The following MCC variants were observed in gnomAD, a reference collection of about 807,000 sequenced individuals.
MCC encodes colorectal mutant cancer protein.
A neutral mutation model predicts 116.2 loss-of-function variants in MCC; 90 were observed. The observed-to-expected ratio is 0.77, with a 90% confidence interval of 0.65 to 0.92. The LOEUF is 0.92. MCC is among the 40% of genes least tolerant of loss of function. The pLI, the probability that MCC is intolerant of heterozygous loss-of-function variation, is 0.00. For missense variants in MCC, 1,516 were observed against 1,312.2 expected, an observed-to-expected ratio of 1.16 and a Z score of -2.40; for synonymous variants, 578 against 510.5, an observed-to-expected ratio of 1.13 and a Z score of -1.78.
chr5:113,404,163 G>A (rs1769766201), intron 1 of MCC, among the ~76,000 whole-genome samples: 3 of 152,172 alleles, frequency 2.0e-5, no homozygotes, highest in African/African-American at 7.2e-5. Context: ...CACCACACCC[G>A]GCCCAGTTTG....
At position 113,071,139 on chromosome 5, in the gene MCC, T is replaced by C; in HGVS notation, c.1880A>G (p.Lys627Arg). The change falls in exon 12 of 19, where the codon AAA (lysine) becomes AGA (arginine). Residue 627 changes from lysine (K) to arginine (R), a missense_variant. By Grantham distance (26) the Lys-to-Arg change is conservative. Transcript: ENST00000408903. Reference sequence around the variant, plus strand: ...CAGCGCTGTGGCATTGGATTCGTATTTTCCCACCAGCATGCTCATCCTCTC... The same window carrying C: ...CAGCGCTGTGGCATTGGATTCGTATCTTCCCACCAGCATGCTCATCCTCTC... Reference protein sequence around the residue: ...NAERMSMLVGKYESNATALRL... With the variant: ...NAERMSMLVGRYESNATALRL... 1 of 1,614,164 alleles carries C rather than the reference T, an allele frequency of 6.2e-7. No individual in the cohort carries two copies. Among genetic ancestry groups the C allele is most frequent in the Non-Finnish European group, 8.5e-7 (1 of 1,180,026 alleles).
intron 8 of MCC, among the ~76,000 whole-genome samples, chr5:113,087,243 A>G (rs930157673): frequency 6.6e-6 from 1 of 152,218 alleles, no homozygotes; most frequent in African/African-American, 2.4e-5. Context: ...ATTAGAAGCT[A>G]AAATAGGAAA....
chr5:113,266,433 C>T (rs530548825), intron 3 of MCC, among the ~76,000 whole-genome samples: 1 of 152,332 alleles, frequency 6.6e-6, no homozygotes, highest in South Asian at 2.1e-4. Flanking sequence ...CAGAGTCAGT[C>T]CTTGGGAGTT....
chr5:113,374,703 C>T (rs1768938769), intron 2 of MCC, among the ~76,000 whole-genome samples: 2 of 152,024 alleles, frequency 1.3e-5, no homozygotes, highest in Admixed American at 1.3e-4. Context: ...AGAAGATGCA[C>T]CATGTTTGCT....
At chr5:113,226,671 T>C (rs1224961438) in intron 3 of MCC, among the ~76,000 whole-genome samples, 1 of 152,252 alleles carries the variant, frequency 6.6e-6, no homozygotes, top group African/African-American at 2.4e-5. Flanking sequence ...ATTAAGCTAA[T>C]TGAACACTTT....
chr5:113,178,894 C>G (rs1267105714), intron 3 of MCC, among the ~76,000 whole-genome samples: 1 of 144,218 alleles, frequency 6.9e-6, no homozygotes, highest in East Asian at 2.1e-4. Context: ...CCATTTCTAT[C>G]TCTCTCATTT....
At chr5:113,227,626 G>A (rs1763793291) in intron 3 of MCC, among the ~76,000 whole-genome samples, 1 of 152,090 alleles carries the variant, frequency 6.6e-6, no homozygotes, top group African/African-American at 2.4e-5. Flanking sequence ...AAAATCATAT[G>A]TTTCTATAGA....
chr5:113,158,455 C>T (rs1760297486), intron 3 of MCC, among the ~76,000 whole-genome samples: 1 of 152,224 alleles, frequency 6.6e-6, no homozygotes, highest in African/African-American at 2.4e-5. Flanking sequence ...CCATCAGCTG[C>T]AGAGGAAAGG....
chr5:113,075,659 T>C (rs938455737), intron 11 of MCC, among the ~76,000 whole-genome samples: 3 of 152,110 alleles, frequency 2.0e-5, no homozygotes, highest in Admixed American at 6.5e-5. Flanking sequence ...ATCAGCTCTC[T>C]GTAAAATGGA....
chr5:113,051,257 C>T (rs1009433627), intron 15 of MCC, among the ~76,000 whole-genome samples: 1 of 152,058 alleles, frequency 6.6e-6, no homozygotes, highest in African/African-American at 2.4e-5. Context: ...CTCCCCCTAC[C>T]CCCACCACCG....
intron 1 of MCC, among the ~76,000 whole-genome samples, chr5:113,432,221 G>C (rs1770674556): frequency 6.6e-6 from 1 of 151,260 alleles, no homozygotes; most frequent in Non-Finnish European, 1.5e-5. Flanking sequence ...AGGAGGCTAA[G>C]GCAGGAGAAT....
intron 5 of MCC, among the ~76,000 whole-genome samples, chr5:113,140,384 T>C (rs572128874): frequency 1.3e-5 from 2 of 152,334 alleles, no homozygotes; most frequent in Admixed American, 1.3e-4. Flanking sequence ...TTTATTTGAA[T>C]CTACCCAAAT....
At chr5:113,075,115 G>C (rs1394065377) in intron 11 of MCC, among the ~76,000 whole-genome samples, 2 of 152,234 alleles carry the variant, frequency 1.3e-5, no homozygotes, top group Non-Finnish European at 2.9e-5. Flanking sequence ...GGGCTCACCA[G>C]GCCCCGCACT....
At position 113,086,631 on chromosome 5, in the gene MCC, G is replaced by T. The variant is rs79310330; in HGVS notation, c.1399-1321C>A. On this transcript the variant is annotated intron_variant, in intron 8 of 18. Transcript: ENST00000408903. ...TACAACTCTGTGACTTCCAAAGAGAGAAGTATTCCAAGTAGCTGAAGAGAG... is the reference window on the plus strand; with the variant it reads ...TACAACTCTGTGACTTCCAAAGAGATAAGTATTCCAAGTAGCTGAAGAGAG... Among the ~76,000 whole-genome samples, 963 of 152,338 alleles carry T rather than the reference G, an allele frequency of 6.3e-3. 7 individuals carry two copies. The highest frequency in any genetic ancestry group is 0.022 in the African/African-American group (920 of 41,570).
At chr5:113,174,955 T>C (rs892407015) in intron 3 of MCC, among the ~76,000 whole-genome samples, 11 of 152,016 alleles carry the variant, frequency 7.2e-5, no homozygotes, top group Non-Finnish European at 1.6e-4. Context: ...TATGAGAAAA[T>C]GTTCACCACA....
chr5:113,138,533 G>C (rs1261701266), intron 5 of MCC, among the ~76,000 whole-genome samples: 1 of 152,160 alleles, frequency 6.6e-6, no homozygotes, highest in Non-Finnish European at 1.5e-5. Context: ...GCCAGGAACA[G>C]AGCCTCAATG....
chr5:113,032,505 TCTA>T (rs1413860050), intron 17 of MCC, among the ~76,000 whole-genome samples: 13 of 152,100 alleles, frequency 8.5e-5, no homozygotes, highest in South Asian at 2.1e-4. Flanking sequence ...CATGTGTGTC[TCTA>T]CTTTTTTCAT....
chr5:113,364,214 G>C (rs1343634310), intron 2 of MCC, among the ~76,000 whole-genome samples: 1 of 114,436 alleles, frequency 8.7e-6, no homozygotes, highest in African/African-American at 3.4e-5. Flanking sequence ...CTGGGTGACA[G>C]AGTGAGACTC....
intron 1 of MCC, among the ~76,000 whole-genome samples, chr5:113,449,494 C>T (rs368828306): frequency 2.7e-3 from 410 of 152,328 alleles, no homozygotes; most frequent in Non-Finnish European, 2.8e-3. Context: ...GTACTCTCAG[C>T]CAGACACTAG....
Sources: gnomAD v4.1 joint callset for allele counts (sites outside exome capture counted in the v4.1 genomes callset) on GRCh38, gnomAD v4.1.1 for gene constraint, MANE v1.5 for transcripts, NCBI Gene and HGNC (gene_info 2026-07-23, HGNC 2026-07-21) for gene names.